PCCA: variants seen among roughly 807,000 people sequenced by gnomAD.
PCCA encodes the protein propionyl-CoA carboxylase subunit alpha.
A neutral mutation model predicts 101.3 loss-of-function variants in PCCA; 74 were observed. The observed-to-expected ratio is 0.73, with a 90% confidence interval of 0.61 to 0.89. PCCA has a LOEUF of 0.89. Among genes scored for constraint, PCCA ranks in the 40% least tolerant of loss-of-function variants. The pLI is 0.00. For synonymous variants in PCCA, 294 were observed against 313.6 expected (o/e 0.94, Z 0.66); for missense variants, 891 against 907.0 (o/e 0.98, Z 0.23).
intron 19 of PCCA, among the ~76,000 whole-genome samples, chr13:100,369,985 T>C (rs574708822): frequency 1.3e-5 from 2 of 151,384 alleles, no homozygotes; most frequent in South Asian, 4.2e-4. Flanking sequence ...AGCCTTACTG[T>C]AATCTGATAT....
chr13:100,223,952 T>C (rs555810090), intron 7 of PCCA, among the ~76,000 whole-genome samples: 1 of 152,242 alleles, frequency 6.6e-6, no homozygotes, highest in African/African-American at 2.4e-5. Flanking sequence ...AGGTTCTCCA[T>C]GTCCTCACCA....
intron 14 of PCCA, among the ~76,000 whole-genome samples, chr13:100,305,132 TA>T (rs1434854342): frequency 1.3e-5 from 2 of 152,198 alleles, no homozygotes; most frequent in Non-Finnish European, 2.9e-5. Flanking sequence ...GCATAAATAG[TA>T]AATTATAAAG....
At chr13:100,234,307 C>G (rs982500201) in intron 7 of PCCA, among the ~76,000 whole-genome samples, 2 of 152,134 alleles carry the variant, frequency 1.3e-5, no homozygotes, top group African/African-American at 4.8e-5. Context: ...GGATTTTCAT[C>G]CCTTTAAGCT....
rs143842547 is a variant in PCCA, at chr13:100,523,682, C to T, written c.2041-3993C>T. Among the ~76,000 whole-genome samples the T allele has an allele frequency of 1.8e-4, 27 of 152,284 alleles. No individual in the cohort carries two copies. In the East Asian group the frequency reaches 5.2e-3, roughly 29 times the overall value. ...GCGAACGTGAACCTTGACCTCGTGT[C>T]AAAGGAGAGGACGCAATAAGCTGGA... On this transcript the variant is annotated intron_variant, in intron 22 of 23. Coordinates refer to ENST00000376285, the MANE Select transcript of PCCA (RefSeq NM_000282.4).
Position 100,449,318 on chromosome 13 carries a change from TC to T in PCCA, c.1899+14del. 1 of 1,456,512 alleles carries T rather than the reference TC, an allele frequency of 6.9e-7. No individual in the cohort carries two copies. The highest frequency in any genetic ancestry group is 9.4e-7 in the Non-Finnish European group (1 of 1,061,752). The allele number at this position is 1,456,512 out of a possible 1,614,324, so 90.2% of individuals were successfully genotyped here. ...TCTTGGTACAGTGGTAAGTATGAAATCATTCTTTATTCTCTTAATTTACAGA... is the reference window on the plus strand; with the variant it reads ...TCTTGGTACAGTGGTAAGTATGAAATATTCTTTATTCTCTTAATTTACAGA... On this transcript the variant is annotated intron_variant, in intron 21 of 23. Transcript: ENST00000376285.
intron 6 of PCCA, among the ~76,000 whole-genome samples, chr13:100,159,464 C>T (rs1323925556): frequency 2.0e-5 from 3 of 152,056 alleles, no homozygotes; most frequent in Admixed American, 6.6e-5. Context: ...ATCTGGTTCC[C>T]GCGCAGAATG....
At chr13:100,410,599 T>C (rs2077986382) in intron 19 of PCCA, among the ~76,000 whole-genome samples, 1 of 152,232 alleles carries the variant, frequency 6.6e-6, no homozygotes, top group South Asian at 2.1e-4. Context: ...GAGCACCATG[T>C]GCAGTTCTTG....
At chr13:100,383,933 G>C (rs1284017606) in intron 19 of PCCA, among the ~76,000 whole-genome samples, 1 of 151,404 alleles carries the variant, frequency 6.6e-6, no homozygotes. Context: ...TTTTTCCTTT[G>C]TTCTACCACC....
chr13:100,252,751 A>G (rs1018579530), intron 8 of PCCA, among the ~76,000 whole-genome samples: 2 of 152,154 alleles, frequency 1.3e-5, no homozygotes, highest in Non-Finnish European at 2.9e-5. Context: ...TCATCCCCTT[A>G]TCTTCCACAT....
chr13:100,193,066 C>T (rs1028076885), intron 6 of PCCA, among the ~76,000 whole-genome samples: 1 of 152,080 alleles, frequency 6.6e-6, no homozygotes, highest in Non-Finnish European at 1.5e-5. Context: ...CAAGGCTGTG[C>T]GAGGCAAACC....
At chr13:100,152,902 C>T (rs560087242) in intron 4 of PCCA, among the ~76,000 whole-genome samples, 3 of 152,148 alleles carry the variant, frequency 2.0e-5, no homozygotes, top group Non-Finnish European at 4.4e-5. Flanking sequence ...AGGATTCTCT[C>T]TCTCCTTTTT....
intron 16 of PCCA, among the ~76,000 whole-genome samples, chr13:100,314,423 GC>G (rs1249529536): frequency 2.6e-5 from 4 of 152,096 alleles, no homozygotes; most frequent in African/African-American, 9.7e-5. Context: ...CTATCAATCT[GC>G]CATTAGTGAT....
At chr13:100,421,798 C>A (rs1595843790) in intron 19 of PCCA, among the ~76,000 whole-genome samples, 3 of 152,044 alleles carry the variant, frequency 2.0e-5, no homozygotes, top group Admixed American at 1.3e-4. Context: ...GATTCTCCTG[C>A]CTCAGCCTCC....
intron 12 of PCCA, among the ~76,000 whole-genome samples, chr13:100,279,766 G>A (rs2063938769): frequency 6.6e-6 from 1 of 152,064 alleles, no homozygotes; most frequent in Non-Finnish European, 1.5e-5. Context: ...GAGCCACCGC[G>A]CCTGGCCCAA....
chr13:100,135,308 T>C (rs1307726625), intron 4 of PCCA, among the ~76,000 whole-genome samples: 1 of 151,942 alleles, frequency 6.6e-6, no homozygotes, highest in Non-Finnish European at 1.5e-5. Context: ...GGAGAATTGC[T>C]TGAGCCCAGG....
chr13:100,425,721 G>C lies in PCCA; in HGVS notation c.1835G>C (p.Arg612Thr), dbSNP rs1947530469. The C allele has an allele frequency of 6.2e-7, 1 of 1,610,344 alleles. No homozygotes were observed. The highest frequency in any genetic ancestry group is 1.3e-5 in the African/African-American group (1 of 74,984). ...TCTGTCAGCGTTGATGGCACTCAGA[G>C]GACTGTCCAGGTGAGTGTTGTAAGG... ...LLSVSVDGTQ[R>T]TVQCLSREAG... Residue 612 changes from arginine to threonine, a missense_variant, in exon 20 of 24, where the codon AGG becomes ACG. By Grantham distance (71) the Arg-to-Thr change is moderately conservative. Transcript: ENST00000376285.
intron 19 of PCCA, among the ~76,000 whole-genome samples, chr13:100,423,573 G>A (rs1310252685): frequency 6.6e-6 from 1 of 152,192 alleles, no homozygotes; most frequent in Non-Finnish European, 1.5e-5. Context: ...TTTCAGTTGT[G>A]TAGGGAAGTT....
intron 18 of PCCA, among the ~76,000 whole-genome samples, chr13:100,366,053 A>G (rs1219693606): frequency 6.6e-6 from 1 of 152,212 alleles, no homozygotes; most frequent in Non-Finnish European, 1.5e-5. Context: ...TAGTTAGGTT[A>G]ATAAAGATGT....
chr13:100,397,661 T>TTAAAA lies in PCCA; in HGVS notation c.1747-27968_1747-27967insATAAA, dbSNP rs559239379. Among the ~76,000 whole-genome samples the TTAAAA allele has an allele frequency of 1.4e-3, 207 of 152,322 alleles. 6 individuals are homozygous for TTAAAA. In the South Asian group the frequency reaches 0.031, roughly 23 times the overall value. On this transcript the variant is annotated intron_variant, in intron 19 of 23. Coordinates refer to ENST00000376285, the MANE Select transcript of PCCA (RefSeq NM_000282.4). Reference sequence around the variant, plus strand: ...AAAAAAAGAGACATTTCTTGAAATGTTAAACCTATGGCTTTGAGCATGGCT... The same window carrying TTAAAA: ...AAAAAAAGAGACATTTCTTGAAATGTTAAAATAAACCTATGGCTTTGAGCATGGCT...
Sources: allele counts gnomAD v4.1 joint callset (sites outside exome capture counted in the v4.1 genomes callset), GRCh38; gene constraint gnomAD v4.1.1; transcripts MANE v1.5; gene names NCBI Gene and HGNC (gene_info 2026-07-23, HGNC 2026-07-21).